Variants in SLC14A2 observed in about 807,000 individuals in gnomAD.
SLC14A2 encodes the protein urea transporter 2.
Under a neutral mutation model 104.6 loss-of-function variants are expected in SLC14A2, and 91 were observed. The observed-to-expected ratio is 0.87, with a 90% CI of 0.73 to 1.04. SLC14A2 has a LOEUF of 1.04. Among genes scored for constraint, SLC14A2 ranks in the 50% least tolerant of loss-of-function variants. The pLI is 0.00. For synonymous variants in SLC14A2, 476 were observed against 466.4 expected, an observed-to-expected ratio of 1.02 and a Z score of -0.27; for missense variants, 1,189 against 1,156.0, an observed-to-expected ratio of 1.03 and a Z score of -0.41.
chr18:45,434,134 C>T (rs2086560466), intron 1 of SLC14A2, among the ~76,000 whole-genome samples: 2 of 152,182 alleles, frequency 1.3e-5, no homozygotes, highest in South Asian at 4.1e-4. Context: ...TGAACATCCC[C>T]CTACCCTTAA....
chr18:45,400,492 A>G (rs1038480300), intron 1 of SLC14A2, among the ~76,000 whole-genome samples: 1 of 152,190 alleles, frequency 6.6e-6, no homozygotes, highest in Non-Finnish European at 1.5e-5. Flanking sequence ...TGTTGATAGT[A>G]TCTTTGATCG....
chr18:45,394,033 G>T (rs2086001476), intron 1 of SLC14A2, among the ~76,000 whole-genome samples: 1 of 152,298 alleles, frequency 6.6e-6, no homozygotes, highest in Non-Finnish European at 1.5e-5. Context: ...ATTCATTCAG[G>T]TTTGCCCTCT....
At position 45,625,761 on chromosome 18, in the gene SLC14A2, G is replaced by A. The variant is rs142465327; in HGVS notation, c.229G>A (p.Gly77Arg). Residue 77 changes from glycine to arginine, a missense_variant, in exon 3 of 20, where the codon GGG becomes AGG. Gly to Arg is a moderately radical substitution (Grantham distance 125, BLOSUM62 -2). Transcript: ENST00000255226. ...TGAAAGGAGTAAAAGGAAAGACGAC[G>A]GGGTGGCCCATCGGGACTCAGCAGG... ...LNERSKRKDD[G>R]VAHRDSAGQR... is the part of the protein sequence containing the mutation. 343 of 1,565,346 alleles carry A rather than the reference G, an allele frequency of 2.2e-4. 1 individual carries two copies. The highest frequency in any genetic ancestry group is 1.0e-3 in the Middle Eastern group (6 of 5,956).
At chr18:45,557,069 T>C (rs1376678154) in intron 2 of SLC14A2, among the ~76,000 whole-genome samples, 3 of 152,244 alleles carry the variant, frequency 2.0e-5, no homozygotes, top group Non-Finnish European at 4.4e-5. Flanking sequence ...GAGTAGCCAA[T>C]GCTAGCACAG....
intron 1 of SLC14A2, among the ~76,000 whole-genome samples, chr18:45,284,782 G>A (rs1266032011): frequency 6.6e-6 from 1 of 152,166 alleles, no homozygotes; most frequent in Non-Finnish European, 1.5e-5. Flanking sequence ...GGGGCTGAAA[G>A]AATCTCAAAG....
At chr18:45,319,476 G>T (rs1292120629) in intron 1 of SLC14A2, among the ~76,000 whole-genome samples, 1 of 152,214 alleles carries the variant, frequency 6.6e-6, no homozygotes. Context: ...CATATAACAT[G>T]ATGGGGACTG....
At chr18:45,182,774 T>G in the SLC14A2 span, among the ~76,000 whole-genome samples, 1 of 152,156 alleles carries the variant, frequency 6.6e-6, no homozygotes, top group Non-Finnish European at 1.5e-5. Context: ...CTGAAAAGCA[T>G]GAAATATGAC....
intron 1 of SLC14A2, among the ~76,000 whole-genome samples, chr18:45,396,728 C>T (rs547260635): frequency 2.7e-5 from 4 of 148,482 alleles, no homozygotes; most frequent in Non-Finnish European, 4.4e-5. Flanking sequence ...TAGGTAACCT[C>T]GTGTCATGGG....
chr18:45,661,269 G>A (rs1031471001), intron 10 of SLC14A2, among the ~76,000 whole-genome samples: 4 of 152,212 alleles, frequency 2.6e-5, no homozygotes, highest in Non-Finnish European at 5.9e-5. Context: ...CAAATCTGGA[G>A]TATCTTAACA....
At chr18:45,568,072 G>A (rs1250859676) in intron 2 of SLC14A2, among the ~76,000 whole-genome samples, 1 of 152,172 alleles carries the variant, frequency 6.6e-6, no homozygotes, top group East Asian at 1.9e-4. Flanking sequence ...TCATGAAAGT[G>A]CCCAGCTCCC....
chr18:45,649,283 T>C (rs942782707), intron 10 of SLC14A2, among the ~76,000 whole-genome samples: 1 of 152,240 alleles, frequency 6.6e-6, no homozygotes, highest in Admixed American at 6.5e-5. Context: ...GATCTTTCCC[T>C]ACCCTGAGGA....
At chr18:45,509,769 T>C (rs1432700712) in intron 2 of SLC14A2, among the ~76,000 whole-genome samples, 1 of 152,190 alleles carries the variant, frequency 6.6e-6, no homozygotes, top group Non-Finnish European at 1.5e-5. Context: ...AGAAGTTCCA[T>C]TGCGATGAAC....
intron 1 of SLC14A2, among the ~76,000 whole-genome samples, chr18:45,470,473 G>C (rs1229881142): frequency 6.6e-6 from 1 of 152,036 alleles, no homozygotes; most frequent in Non-Finnish European, 1.5e-5. Flanking sequence ...TTTGTACTCA[G>C]TTTAGACATC....
intron 1 of SLC14A2, among the ~76,000 whole-genome samples, chr18:45,456,751 C>CTT (rs10711605): frequency 1.7e-4 from 24 of 141,936 alleles, no homozygotes; most frequent in African/African-American, 5.7e-4. Context: ...CCCCAGGAGA[C>CTT]TTTTTTTTTT....
chr18:45,351,152 T>C (rs1413618875), intron 1 of SLC14A2, among the ~76,000 whole-genome samples: 1 of 152,172 alleles, frequency 6.6e-6, no homozygotes, highest in East Asian at 1.9e-4. Flanking sequence ...TGGTACCAAT[T>C]GCTGGAAACA....
intron 1 of SLC14A2, among the ~76,000 whole-genome samples, chr18:45,388,205 G>T (rs527589585): frequency 1.3e-5 from 2 of 150,752 alleles, no homozygotes; most frequent in East Asian, 3.9e-4. Context: ...CCTCCCTACA[G>T]GTGCCTGCCA....
intron 1 of SLC14A2, among the ~76,000 whole-genome samples, chr18:45,249,391 G>C (rs1221136235): frequency 6.6e-6 from 1 of 151,178 alleles, no homozygotes; most frequent in East Asian, 1.9e-4. Context: ...GCTGCTCTGG[G>C]TTTGTGCTAT....
At chr18:45,640,483 C>A (rs1810085243) in intron 7 of SLC14A2, among the ~76,000 whole-genome samples, 1 of 152,110 alleles carries the variant, frequency 6.6e-6, no homozygotes, top group South Asian at 2.1e-4. Context: ...ATTGGATTGC[C>A]ACTTAACAAA....
the SLC14A2 span, among the ~76,000 whole-genome samples, chr18:45,207,301 G>A: frequency 1.3e-5 from 2 of 149,882 alleles, no homozygotes; most frequent in Non-Finnish European, 3.0e-5. Context: ...AGGTAGGAGG[G>A]AGAGAAGGAA....
Sources: gnomAD v4.1 joint callset for allele counts (sites outside exome capture counted in the v4.1 genomes callset) on GRCh38, gnomAD v4.1.1 for gene constraint, MANE v1.5 for transcripts, NCBI Gene and HGNC (gene_info 2026-07-23, HGNC 2026-07-21) for gene names.